Variants in VPS8 observed in about 807,000 individuals in gnomAD.
VPS8 encodes the protein VPS8 subunit of CORVET complex.
In VPS8, 129 loss-of-function variants were observed where a neutral mutation model predicts 216.4. The observed-to-expected ratio is 0.60, with a 90% CI of 0.52 to 0.69. VPS8 has a LOEUF of 0.69. Ranked by LOEUF, VPS8 falls within the 30% of genes least tolerant of loss-of-function variation. The pLI, the probability that VPS8 is intolerant of heterozygous loss-of-function variation, is 0.00. For missense variants in VPS8, 1,531 were observed against 1,683.5 expected (o/e 0.91, Z 1.59); for synonymous variants, 571 against 565.4 (o/e 1.01, Z -0.14).
intron 3 of VPS8, among the ~76,000 whole-genome samples, chr3:184,831,789 A>G (rs1388393422): frequency 2.0e-5 from 3 of 152,034 alleles, no homozygotes; most frequent in Non-Finnish European, 4.4e-5. Context: ...CTTCTTCTGC[A>G]GCTTCTTAGG....
In VPS8 at chr3:185,019,320, T is replaced by C. The variant is rs576668024; in HGVS notation, c.4003-5016T>C. On this transcript the variant is annotated intron_variant, in intron 45 of 47. Coordinates refer to ENST00000625842, the MANE Select transcript of VPS8 (RefSeq NM_001009921.3). ...GAGACCAGCTCGGTCAGGGAGACCC[T>C]AACCCAGCGGCACTAGAGGAATTAA... Among the ~76,000 whole-genome samples the C allele has an allele frequency of 1.8e-3, 271 of 151,928 alleles. 1 individual carries two copies. The highest frequency in any genetic ancestry group is 6.2e-3 in the African/African-American group (255 of 41,370).
chr3:184,964,407 G>C, intron 37 of VPS8, 61 bp from the exon 38 acceptor site: 1 of 1,063,982 alleles, frequency 9.4e-7, no homozygotes, highest in African/African-American at 1.6e-5. Flanking sequence ...TCCTCAATGG[G>C]ATCTTCCCAC....
chr3:184,866,131 G>A (rs985109435), intron 16 of VPS8, among the ~76,000 whole-genome samples: 10 of 152,026 alleles, frequency 6.6e-5, no homozygotes, highest in South Asian at 2.1e-4. Context: ...GTTAATAACC[G>A]AAGAGTGAAA....
At chr3:185,038,620 A>G (rs1759220682) in intron 46 of VPS8, among the ~76,000 whole-genome samples, 1 of 152,200 alleles carries the variant, frequency 6.6e-6, no homozygotes, top group Non-Finnish European at 1.5e-5. Flanking sequence ...ATTCAGTTGC[A>G]AGTGAAGTCA....
chr3:184,843,153 A>AT, intron 7 of VPS8, 87 bp from the exon 8 acceptor site: 1 of 1,056,990 alleles, frequency 9.5e-7, no homozygotes, highest in Non-Finnish European at 1.3e-6. Flanking sequence ...TATTCTTGAA[A>AT]TTTTTTACCT....
rs1720257103 is a variant in VPS8, at chr3:184,832,691, T to C, written c.225T>C (p.Thr75=). Residue 75 remains threonine, a splice_region_variant and synonymous_variant, in exon 4 of 48, where the codon ACT becomes ACC. Transcript: ENST00000625842. ...PPTLESILNE[T]DDEDESFILE... ...TGATTTATCTTCTTCCAATTTAGAC[T>C]GATGATGAAGATGAGTCTTTTATTC... is the stretch of plus-strand genomic sequence containing the variant. The C allele has an allele frequency of 4.4e-6, 7 of 1,596,778 alleles. No homozygotes were observed. Among genetic ancestry groups the C allele is most frequent in the Non-Finnish European group, 6.0e-6 (7 of 1,170,658 alleles).
rs556892444 is a variant in VPS8 at position 184,886,858 on chromosome 3, C to T, written c.1781+702C>T. On this transcript the variant is annotated intron_variant, in intron 22 of 47. Coordinates refer to ENST00000625842, the MANE Select transcript of VPS8 (RefSeq NM_001009921.3). ...CCTCCTGAAGTGCTGGGAGTACAGG[C>T]GTGAGCCACCATGCCTGGCCTGGTA... Among the ~76,000 whole-genome samples, 256 of 152,208 alleles carry T rather than the reference C, an allele frequency of 1.7e-3. 6 individuals carry two copies. The South Asian group carries it at 0.017, about 10-fold the overall frequency.
At position 184,898,573 on chromosome 3, in the gene VPS8, C is replaced by T. The variant is rs1578143048; in HGVS notation, c.2013C>T (p.Leu671=). 2 of 1,551,966 alleles carry T rather than the reference C, an allele frequency of 1.3e-6. No individual in the cohort carries two copies. Among genetic ancestry groups the T allele is most frequent in the Non-Finnish European group, 1.7e-6 (2 of 1,147,018 alleles). The change falls in exon 24 of 48, where the codon CTC becomes CTT. Residue 671 remains leucine, a synonymous_variant. Coordinates refer to ENST00000625842, the MANE Select transcript of VPS8 (RefSeq NM_001009921.3). ...ITSLDIQQVV[L]MCWENRLYDA... ...GCTTTTCCTTTTCACAGGTAGTTCTCATGTGTTGGGAAAATCGTTTATATG... is the reference window on the plus strand; with the variant it reads ...GCTTTTCCTTTTCACAGGTAGTTCTTATGTGTTGGGAAAATCGTTTATATG...
chr3:184,983,384 T>C (rs1368235981), intron 42 of VPS8, among the ~76,000 whole-genome samples: 2 of 152,176 alleles, frequency 1.3e-5, no homozygotes, highest in African/African-American at 4.8e-5. Flanking sequence ...TTCCTATTGG[T>C]TTGCTAACTG....
At chr3:184,947,652 G>A (rs4501090) in intron 36 of VPS8, among the ~76,000 whole-genome samples, 151,860 of 152,240 alleles carry the variant, frequency 1, 75,742 homozygotes, top group Non-Finnish European at 1. Flanking sequence ...TAATGTTTGG[G>A]GCAGTCTGTT....
intron 45 of VPS8, among the ~76,000 whole-genome samples, chr3:185,003,902 G>A (rs1180294177): frequency 2.0e-5 from 3 of 148,236 alleles, no homozygotes; most frequent in Admixed American, 6.7e-5. Context: ...AGGCAGAGGC[G>A]CTCCTCACCT....
Position 184,873,375 on chromosome 3 carries a change from A to C in VPS8, c.1734+2570A>C, listed in dbSNP as rs1323777533. On this transcript the variant is annotated intron_variant, in intron 21 of 47. Coordinates refer to ENST00000625842, the MANE Select transcript of VPS8 (RefSeq NM_001009921.3). ...GGGGTGATGTTAATAAATCACCAAGAATGAGAATTACAGCAAGCATCTAAA... is the reference window on the plus strand; with the variant it reads ...GGGGTGATGTTAATAAATCACCAAGCATGAGAATTACAGCAAGCATCTAAA... 2.6e-5 allele frequency among the ~76,000 whole-genome samples: 4 copies of C among 152,240 alleles called. No individual in the cohort carries two copies. The East Asian group carries it at 5.8e-4, about 22-fold the overall frequency.
At chr3:185,023,734 T>G (rs1452966839) in intron 45 of VPS8, among the ~76,000 whole-genome samples, 1 of 152,216 alleles carries the variant, frequency 6.6e-6, no homozygotes, top group Non-Finnish European at 1.5e-5. Context: ...CCTTTTAACC[T>G]ATTTGAGCCT....
chr3:184,957,240 T>C lies in VPS8; in HGVS notation c.3036-134T>C, dbSNP rs1056814990. ...AGTAACCTAAATAACATTGAGACTT[T>C]CAATTCATATTTTTATCTGACCAGC... On this transcript the variant is annotated intron_variant, in intron 36 of 47. Transcript: ENST00000625842. The C allele has an allele frequency of 3.5e-5, 32 of 925,458 alleles. No homozygotes were observed. In the South Asian group the frequency reaches 5.7e-4, roughly 16 times the overall value. 57.3% of individuals were successfully genotyped at this position (925,458 alleles called of 1,614,324 possible).
chr3:184,878,892 G>A (rs1182352524), intron 21 of VPS8, among the ~76,000 whole-genome samples: 4 of 152,092 alleles, frequency 2.6e-5, no homozygotes, highest in African/African-American at 9.7e-5. Flanking sequence ...ATCTGTGTGT[G>A]TATATCTGTG....
intron 47 of VPS8, among the ~76,000 whole-genome samples, chr3:185,049,031 T>C (rs1027917364): frequency 7.2e-5 from 11 of 152,212 alleles, no homozygotes; most frequent in African/African-American, 2.7e-4. Context: ...CGTACCTCCC[T>C]TCAGCTTTCT....
chr3:184,987,821 T>C (rs1042195764), intron 42 of VPS8, among the ~76,000 whole-genome samples: 3 of 152,238 alleles, frequency 2.0e-5, no homozygotes, highest in African/African-American at 7.2e-5. Flanking sequence ...TGCTCCAAAA[T>C]GTCTATACCA....
chr3:184,992,804 T>C (rs978227571), intron 42 of VPS8, among the ~76,000 whole-genome samples: 1 of 152,178 alleles, frequency 6.6e-6, no homozygotes, highest in African/African-American at 2.4e-5. Flanking sequence ...GTCAGTGAAG[T>C]GAGCACATAC....
chr3:184,859,177 C>T lies in VPS8; in HGVS notation c.1144-808C>T, dbSNP rs563441286. On this transcript the variant is annotated intron_variant, in intron 14 of 47. Coordinates refer to ENST00000625842, the MANE Select transcript of VPS8 (RefSeq NM_001009921.3). ...TGAACAAGATGAATATTTTTCCTCA[C>T]TAATTGATGGGTATGGTCTACAGCT... Among the ~76,000 whole-genome samples, 3 of 152,320 alleles carry T rather than the reference C, an allele frequency of 2.0e-5. No homozygotes were observed. The East Asian group carries it at 5.8e-4, about 29-fold the overall frequency.
Sources: allele counts gnomAD v4.1 joint callset (sites outside exome capture counted in the v4.1 genomes callset), GRCh38; gene constraint gnomAD v4.1.1; transcripts MANE v1.5; gene names NCBI Gene and HGNC (gene_info 2026-07-23, HGNC 2026-07-21).